ABI2: variants seen among roughly 807,000 people sequenced by gnomAD.
ABI2 encodes abl interactor 2, also known as abelson interactor 2.
A neutral mutation model predicts 59.2 loss-of-function variants in ABI2; 25 were observed. The ratio of observed to expected loss-of-function variants is 0.42; its 90% CI spans 0.31 to 0.59. The LOEUF (loss-of-function observed/expected upper bound fraction) is 0.59, where lower values mean the gene tolerates loss of function less well. Among genes scored for constraint, ABI2 ranks in the 20% least tolerant of loss-of-function variants. The probability of loss-of-function intolerance (pLI) is 0.14; values close to 1 mark genes in which losing one functional copy is unlikely to be tolerated. For synonymous variants in ABI2, 213 were observed against 235.5 expected, an observed-to-expected ratio of 0.90 and a Z score of 0.87; for missense variants, 545 against 681.8, an observed-to-expected ratio of 0.80 and a Z score of 2.23.
At chr2:203,334,617 A>G (rs933539503) in intron 1 of ABI2, among the ~76,000 whole-genome samples, 3 of 151,848 alleles carry the variant, frequency 2.0e-5, no homozygotes, top group South Asian at 4.1e-4. Context: ...TCTAGACACC[A>G]TTTGACTCTA....
intron 4 of ABI2, 118 bp from the exon 5 acceptor site, chr2:203,390,928 A>AT (rs2096720593): frequency 1.3e-6 from 1 of 752,948 alleles, no homozygotes. Context: ...ATGGCCTCTA[A>AT]TTTTTTTCCC....
chr2:203,337,610 T>C (rs1376313629), intron 1 of ABI2, among the ~76,000 whole-genome samples: 1 of 152,230 alleles, frequency 6.6e-6, no homozygotes, highest in African/African-American at 2.4e-5. Context: ...AATATTCCAA[T>C]GGTATTTTTC....
intron 4 of ABI2, among the ~76,000 whole-genome samples, chr2:203,384,876 C>A (rs1198117710): frequency 4.0e-5 from 6 of 151,128 alleles, no homozygotes; most frequent in Non-Finnish European, 8.8e-5. Flanking sequence ...GCTCCGTCAC[C>A]CAGGCTGGAG....
chr2:203,358,071 T>TG (rs1234117326), intron 1 of ABI2, among the ~76,000 whole-genome samples: 10 of 128,852 alleles, frequency 7.8e-5, no homozygotes, highest in East Asian at 4.8e-4. Context: ...CCTGGCCTGT[T>TG]TGTGTGTGTG....
intron 3 of ABI2, among the ~76,000 whole-genome samples, chr2:203,380,712 A>G (rs1052716390): frequency 3.3e-5 from 5 of 152,226 alleles, no homozygotes; most frequent in African/African-American, 1.2e-4. Context: ...TCATGTTATT[A>G]TGAAAGTGTT....
intron 1 of ABI2, 109 bp downstream of exon 1, chr2:203,328,740 C>T (rs13406703): frequency 1.2e-5 from 7 of 591,216 alleles, no homozygotes; most frequent in Non-Finnish European, 1.9e-5. Context: ...GCGGAGCCCC[C>T]GATGGGGGTG....
intron 1 of ABI2, among the ~76,000 whole-genome samples, chr2:203,331,472 C>T (rs2073459474): frequency 1.4e-5 from 2 of 145,102 alleles, no homozygotes; most frequent in South Asian, 4.6e-4. Flanking sequence ...GATTCTTCTG[C>T]CTCAGCCTTC....
intron 5 of ABI2, among the ~76,000 whole-genome samples, chr2:203,392,029 GT>G (rs1434063696): frequency 6.6e-6 from 1 of 152,050 alleles, no homozygotes; most frequent in Non-Finnish European, 1.5e-5. Context: ...TTAAAATTCT[GT>G]TTCAGCTGTG....
chr2:203,340,577 C>T (rs923965741), intron 1 of ABI2, among the ~76,000 whole-genome samples: 1 of 151,936 alleles, frequency 6.6e-6, no homozygotes. Context: ...AGGCTGGTCT[C>T]GAACTCCTGG....
intron 11 of ABI2, among the ~76,000 whole-genome samples, chr2:203,419,254 C>T (rs574052425): frequency 2.6e-5 from 4 of 151,498 alleles, no homozygotes; most frequent in Non-Finnish European, 2.9e-5. Flanking sequence ...GGACTACCGG[C>T]GCCCACCACC....
At chr2:203,350,278 T>C (rs903051026) in intron 1 of ABI2, among the ~76,000 whole-genome samples, 2 of 152,064 alleles carry the variant, frequency 1.3e-5, no homozygotes, top group African/African-American at 4.8e-5. Context: ...GGTTTCACCG[T>C]GTTGGCCTGG....
At chr2:203,351,470 G>A in intron 1 of ABI2, 1 of 389,344 alleles carries the variant, frequency 2.6e-6, no homozygotes, top group Non-Finnish European at 4.9e-6. Flanking sequence ...GAACATGGAT[G>A]TCTTTTCATT....
At chr2:203,385,345 AT>A (rs2096455100) in intron 4 of ABI2, among the ~76,000 whole-genome samples, 2 of 125,618 alleles carry the variant, frequency 1.6e-5, no homozygotes, top group South Asian at 5.1e-4. Context: ...GTTAGCCAGG[AT>A]GGTCTCGATC....
rs183571498 is a variant in ABI2 at position 203,361,947 on chromosome 2, A to C, written c.118-4930A>C. Among the ~76,000 whole-genome samples, 637 of 152,348 alleles carry C rather than the reference A, an allele frequency of 4.2e-3. 3 individuals carry two copies. The highest frequency in any genetic ancestry group is 6.8e-3 in the Non-Finnish European group (464 of 68,020). On this transcript the variant is annotated intron_variant, in intron 1 of 11. Coordinates refer to ENST00000261018, the MANE Select transcript of ABI2 (RefSeq NM_001375670.1). ...ATAATTACTTCCCTTGTGATCCTTC[A>C]TGAATCCTTAGGAGATTTAGCTAAA...
At chr2:203,402,236 C>T (rs1477952312) in intron 8 of ABI2, among the ~76,000 whole-genome samples, 15 of 152,086 alleles carry the variant, frequency 9.9e-5, no homozygotes, top group African/African-American at 2.9e-4. Flanking sequence ...GGTTTCACCA[C>T]GTTGGCCAGG....
At chr2:203,384,290 G>GTTTTTTT (rs796117154) in intron 4 of ABI2, among the ~76,000 whole-genome samples, 4 of 26,106 alleles carry the variant, frequency 1.5e-4, no homozygotes, top group African/African-American at 6.3e-4. Context: ...TTTTGTTTTT[G>GTTTTTTT]TTTTTTTTTT....
intron 2 of ABI2, among the ~76,000 whole-genome samples, chr2:203,375,375 C>T (rs2095612245): frequency 1.3e-5 from 2 of 152,092 alleles, no homozygotes. Flanking sequence ...TTATTGAGGT[C>T]TCTTCTAAAT....
rs1030819180 is a variant in ABI2, at chr2:203,335,433, G to T, written c.117+6802G>T. On this transcript the variant is annotated intron_variant, in intron 1 of 11. Coordinates refer to ENST00000261018, the MANE Select transcript of ABI2 (RefSeq NM_001375670.1). ...CCACCATGCCCAGCTAATTTTTTTT[G>T]TTGTTGTTGTTAGAAATGGGATCTC... 8.6e-5 allele frequency among the ~76,000 whole-genome samples: 13 copies of T among 151,906 alleles called. No homozygotes were observed. The South Asian group carries it at 1.5e-3, about 17-fold the overall frequency.
At chr2:203,367,148 T>C in intron 2 of ABI2, 104 bp downstream of exon 2, 1 of 1,349,534 alleles carries the variant, frequency 7.4e-7, no homozygotes, top group Non-Finnish European at 9.6e-7. Context: ...AACTCACATG[T>C]ACGATTTGGA....
Sources: gnomAD v4.1 joint callset for allele counts (sites outside exome capture counted in the v4.1 genomes callset) on GRCh38, gnomAD v4.1.1 for gene constraint, MANE v1.5 for transcripts, NCBI Gene and HGNC (gene_info 2026-07-23, HGNC 2026-07-21) for gene names.